Variants in YBEY observed in about 807,000 individuals in gnomAD.
The protein encoded by YBEY is ybeY metalloendoribonuclease, also known as endoribonuclease YbeY.
A neutral mutation model predicts 13.5 loss-of-function variants in YBEY; 15 were observed. The observed-to-expected ratio is 1.11, with a 90% CI of 0.75 to 1.72. The LOEUF (loss-of-function observed/expected upper bound fraction) is 1.72, where lower values mean the gene tolerates loss of function less well. Among genes scored for constraint, YBEY ranks in the 40% most tolerant of loss-of-function variants. The probability of loss-of-function intolerance (pLI) is 0.00; values close to 1 mark genes in which losing one functional copy is unlikely to be tolerated. For missense variants in YBEY, 244 were observed against 208.4 expected, an observed-to-expected ratio of 1.17 and a Z score of -1.05; for synonymous variants, 101 against 83.1, an observed-to-expected ratio of 1.21 and a Z score of -1.17.
chr21:46,301,523 C>T, downstream of YBEY: 1 of 985,886 alleles, frequency 1.0e-6, no homozygotes, highest in Non-Finnish European at 1.2e-6. Flanking sequence ...GGTATTTTCC[C>T]CATCAGGATG....
Position 46,297,645 on chromosome 21 carries a change from C to T in YBEY, c.*11C>T, listed in dbSNP as rs745474267. 2 of 1,294,482 alleles carry T rather than the reference C, an allele frequency of 1.5e-6. No individual in the cohort carries two copies. Among genetic ancestry groups the T allele is most frequent in the Non-Finnish European group, 9.9e-7 (1 of 1,009,020 alleles). 80.2% of individuals were successfully genotyped at this position (1,294,482 alleles called of 1,614,324 possible). ...TTCGGAGGGAGCTGAGGGCCGCGTT[C>T]CTTCTGAAAGCGGGACGCGGGAGGG... On this transcript the variant is annotated 3_prime_UTR_variant, in exon 5 of 5. Coordinates refer to ENST00000397701, the MANE Select transcript of YBEY (RefSeq NM_001314025.2).
At chr21:46,305,611 T>A in the YBEY span, among the ~76,000 whole-genome samples, 1 of 152,168 alleles carries the variant, frequency 6.6e-6, no homozygotes, top group Non-Finnish European at 1.5e-5. Context: ...ATTACAGATA[T>A]GAGCCACTGT....
chr21:46,292,548 A>T (rs9984725), intron 3 of YBEY, among the ~76,000 whole-genome samples: 17,109 of 115,864 alleles, frequency 0.15, 2,454 homozygotes, highest in African/African-American at 0.36. Context: ...CTGAGTGGGG[A>T]CAGCCACGCA....
chr21:46,286,746 A>G, intron 1 of YBEY, 124 bp from the exon 2 acceptor site: 1 of 641,064 alleles, frequency 1.6e-6, no homozygotes, highest in Non-Finnish European at 2.6e-6. Flanking sequence ...TGGTAAATGT[A>G]AATTCCCTTA....
At chr21:46,296,289 G>T in intron 4 of YBEY, 59 bp downstream of exon 4, 1 of 1,542,616 alleles carries the variant, frequency 6.5e-7, no homozygotes. Flanking sequence ...GGCTCCCCCA[G>T]GCCCCTGCCA....
the YBEY span, among the ~76,000 whole-genome samples, chr21:46,305,315 T>C: frequency 1.4e-5 from 2 of 148,090 alleles, no homozygotes; most frequent in Non-Finnish European, 3.0e-5. Flanking sequence ...TTTTTTTTAA[T>C]CACAAATTAA....
chr21:46,287,671 A>G (rs1452363321), intron 2 of YBEY, among the ~76,000 whole-genome samples: 1 of 152,120 alleles, frequency 6.6e-6, no homozygotes, highest in Non-Finnish European at 1.5e-5. Context: ...CAGAGTCTAC[A>G]ATTACACTGG....
downstream of YBEY, among the ~76,000 whole-genome samples, chr21:46,298,850 G>C (rs61446584): frequency 0.59 from 90,034 of 151,664 alleles, 28,239 homozygotes; most frequent in Non-Finnish European, 0.7. Flanking sequence ...TCAGCCTCCC[G>C]AGCAGCTGGG....
chr21:46,308,095 G>GT, the YBEY span, among the ~76,000 whole-genome samples: 2 of 151,954 alleles, frequency 1.3e-5, no homozygotes, highest in Non-Finnish European at 2.9e-5. Flanking sequence ...CTGGGTTCAA[G>GT]TGATTCTCCT....
At chr21:46,301,448 C>G, downstream of YBEY, 1 of 975,674 alleles carries the variant, frequency 1.0e-6, no homozygotes, top group South Asian at 4.8e-5. Context: ...ACCCCTACTT[C>G]TTTAGTGGGA....
At chr21:46,291,629 G>C in intron 3 of YBEY, 167 bp downstream of exon 3, 1 of 1,426,332 alleles carries the variant, frequency 7.0e-7, no homozygotes, top group Non-Finnish European at 9.2e-7. Flanking sequence ...GGTAGGGACT[G>C]CATGCCCCAT....
the YBEY span, among the ~76,000 whole-genome samples, chr21:46,303,743 ATATTTTTTTTTTTT>A: frequency 1.7e-3 from 33 of 19,592 alleles, no homozygotes; most frequent in African/African-American, 3.2e-3. Flanking sequence ...ATATATATAT[ATATTTTTTTTTTTT>A]TTTTTTTTTT....
chr21:46,302,561 A>G (rs2082156255), downstream of YBEY: 2 of 1,612,124 alleles, frequency 1.2e-6, no homozygotes, highest in South Asian at 1.1e-5. Flanking sequence ...CTGCAGCAGC[A>G]GCAGCTCCAC....
chr21:46,287,276 A>T (rs2081487314), intron 2 of YBEY, among the ~76,000 whole-genome samples, 153 bp downstream of exon 2: 1 of 151,840 alleles, frequency 6.6e-6, no homozygotes, highest in East Asian at 1.9e-4. Context: ...GCTCACTGCA[A>T]CCTCCCTTCC....
chr21:46,294,531 CGGG>C, intron 3 of YBEY, among the ~76,000 whole-genome samples: 1 of 69,944 alleles, frequency 1.4e-5, no homozygotes, highest in African/African-American at 7.1e-5. Flanking sequence ...GACCCGTGCC[CGGG>C]ACTCAGTGGA....
chr21:46,301,184 C>G, downstream of YBEY: 2 of 665,374 alleles, frequency 3.0e-6, no homozygotes, highest in Non-Finnish European at 3.7e-6. Flanking sequence ...CTCTGTGGTC[C>G]AGGCTATAGT....
chr21:46,304,309 C>G, the YBEY span, among the ~76,000 whole-genome samples: 1 of 151,830 alleles, frequency 6.6e-6, no homozygotes, highest in Non-Finnish European at 1.5e-5. Flanking sequence ...GGATTACAGG[C>G]GTGAGCCACT....
intron 4 of YBEY, among the ~76,000 whole-genome samples, chr21:46,296,660 C>T (rs2081963559): frequency 6.6e-6 from 1 of 152,214 alleles, no homozygotes; most frequent in African/African-American, 2.4e-5. Flanking sequence ...TGGGAGCAAA[C>T]TGCTTCTCTG....
chr21:46,301,894 T>C, downstream of YBEY: 1 of 1,336,168 alleles, frequency 7.5e-7, no homozygotes, highest in South Asian at 2.1e-5. Context: ...CTCCGGGTGG[T>C]GGCAGGGTCT....
Sources: gnomAD v4.1 joint callset for allele counts (sites outside exome capture counted in the v4.1 genomes callset) on GRCh38, gnomAD v4.1.1 for gene constraint, MANE v1.5 for transcripts, NCBI Gene and HGNC (gene_info 2026-07-23, HGNC 2026-07-21) for gene names.